The following SYT14 variants were observed in gnomAD, a reference collection of about 807,000 sequenced individuals.
The protein encoded by SYT14 is synaptotagmin-14.
In SYT14, 32 loss-of-function variants were observed where a neutral mutation model predicts 74.2. The observed-to-expected ratio is 0.43, with a 90% confidence interval of 0.33 to 0.58. SYT14 has a LOEUF of 0.58. Among genes scored for constraint, SYT14 ranks in the 20% least tolerant of loss-of-function variants. SYT14 has a pLI of 0.05. For synonymous variants in SYT14, 298 were observed against 337.7 expected (o/e 0.88, Z 1.29); for missense variants, 791 against 981.8 (o/e 0.81, Z 2.60).
At chr1:210,013,394 G>T (rs1372040202) in intron 2 of SYT14, among the ~76,000 whole-genome samples, 2 of 152,138 alleles carry the variant, frequency 1.3e-5, no homozygotes, top group Non-Finnish European at 2.9e-5. Flanking sequence ...TTTTAAGATT[G>T]TTCCTATGAA....
chr1:210,066,571 G>T (rs547969332), intron 5 of SYT14, among the ~76,000 whole-genome samples: 4 of 152,162 alleles, frequency 2.6e-5, no homozygotes, highest in Admixed American at 1.3e-4. Flanking sequence ...TTTTGATGGG[G>T]TTGTTTGTTT....
At chr1:210,108,758 G>A (rs2082205195) in intron 7 of SYT14, among the ~76,000 whole-genome samples, 1 of 152,192 alleles carries the variant, frequency 6.6e-6, no homozygotes, top group South Asian at 2.1e-4. Context: ...TAAGAGAGAA[G>A]TGAAGCCAGA....
intron 9 of SYT14, 151 bp from the exon 9 acceptor site, chr1:210,160,578 T>C (rs1050577829): frequency 1.7e-5 from 12 of 689,848 alleles, no homozygotes; most frequent in African/African-American, 3.6e-5. Context: ...TATAAGCATC[T>C]ACATCAAAAT....
chr1:210,034,949 C>G (rs1350022903), intron 5 of SYT14, among the ~76,000 whole-genome samples: 1 of 151,734 alleles, frequency 6.6e-6, no homozygotes, highest in Non-Finnish European at 1.5e-5. Flanking sequence ...GTGCAGGTAT[C>G]TTTTTTGATA....
intron 2 of SYT14, among the ~76,000 whole-genome samples, chr1:210,001,007 TTAAAA>T (rs1163948599): frequency 2.0e-5 from 3 of 152,208 alleles, no homozygotes; most frequent in Middle Eastern, 3.2e-3. Context: ...AGTTTTATTG[TTAAAA>T]TAATAAAGGA....
chr1:210,081,472 T>C (rs991438374), intron 5 of SYT14, among the ~76,000 whole-genome samples: 12 of 152,132 alleles, frequency 7.9e-5, no homozygotes, highest in Non-Finnish European at 1.6e-4. Context: ...TATACAATAC[T>C]GTAGTATATT....
intron 5 of SYT14, among the ~76,000 whole-genome samples, chr1:210,074,813 G>A (rs949282140): frequency 1.3e-5 from 2 of 152,174 alleles, no homozygotes; most frequent in African/African-American, 4.8e-5. Context: ...CCATGGCAGT[G>A]TCTAGAGATG....
intron 5 of SYT14, among the ~76,000 whole-genome samples, chr1:210,093,236 A>T (rs1355962843): frequency 6.6e-6 from 1 of 151,974 alleles, no homozygotes; most frequent in Non-Finnish European, 1.5e-5. Flanking sequence ...TATAGTTCTT[A>T]TGTAACTTTT....
chr1:210,086,669 C>T (rs1034394289), intron 5 of SYT14, among the ~76,000 whole-genome samples: 10 of 152,196 alleles, frequency 6.6e-5, no homozygotes, highest in Non-Finnish European at 7.3e-5. Context: ...GCTCAGTGGA[C>T]TCACTGCTGT....
chr1:210,091,992 T>C (rs567742527), intron 5 of SYT14, among the ~76,000 whole-genome samples: 10 of 152,276 alleles, frequency 6.6e-5, no homozygotes, highest in East Asian at 1.9e-4. Flanking sequence ...ACCACTTACG[T>C]TGGAAAATTT....
intron 7 of SYT14, among the ~76,000 whole-genome samples, chr1:210,109,786 G>T (rs1017885713): frequency 6.6e-6 from 1 of 152,108 alleles, no homozygotes; most frequent in African/African-American, 2.4e-5. Flanking sequence ...CCAAAGGATT[G>T]TAAATCATTC....
intron 1 of SYT14, among the ~76,000 whole-genome samples, chr1:209,951,683 C>G (rs2102677164): frequency 6.6e-6 from 1 of 152,176 alleles, no homozygotes; most frequent in Non-Finnish European, 1.5e-5. Context: ...CAAAATTAGT[C>G]ACAGCAAACC....
At chr1:209,986,332 G>A (rs751694459) in intron 2 of SYT14, among the ~76,000 whole-genome samples, 23 of 152,120 alleles carry the variant, frequency 1.5e-4, no homozygotes, top group Non-Finnish European at 2.8e-4. Context: ...GGGGCTGGGC[G>A]CGGTGGCTCA....
chr1:209,974,908 T>C (rs2079329213), intron 2 of SYT14, among the ~76,000 whole-genome samples: 3 of 152,200 alleles, frequency 2.0e-5, no homozygotes, highest in Admixed American at 2.0e-4. Flanking sequence ...TTTGTAGTTC[T>C]CCTTGAAGAG....
intron 1 of SYT14, among the ~76,000 whole-genome samples, chr1:209,948,345 C>T (rs2102665004): frequency 6.6e-6 from 1 of 152,332 alleles, no homozygotes; most frequent in South Asian, 2.1e-4. Context: ...AACACACATG[C>T]ACACAATCAC....
intron 2 of SYT14, among the ~76,000 whole-genome samples, chr1:209,959,077 A>T (rs1319191009): frequency 6.6e-6 from 1 of 152,234 alleles, no homozygotes; most frequent in South Asian, 2.1e-4. Context: ...AAGAAAATTG[A>T]AAACATATGT....
intron 2 of SYT14, among the ~76,000 whole-genome samples, chr1:210,006,776 ATAAT>A: frequency 6.6e-6 from 1 of 152,060 alleles, no homozygotes; most frequent in East Asian, 1.9e-4. Flanking sequence ...TTTAGAAATT[ATAAT>A]TAATTTGTTT....
At chr1:210,101,383 G>A (rs114065448) in intron 7 of SYT14, among the ~76,000 whole-genome samples, 29 of 152,204 alleles carry the variant, frequency 1.9e-4, no homozygotes, top group African/African-American at 6.3e-4. Flanking sequence ...GCTTTTAAAT[G>A]TGTAAGCTTC....
intron 7 of SYT14, among the ~76,000 whole-genome samples, chr1:210,116,717 G>A (rs2102597827): frequency 6.6e-6 from 1 of 152,016 alleles, no homozygotes; most frequent in South Asian, 2.1e-4. Flanking sequence ...TATTTATATG[G>A]TATTTTTCAT....
Sources: allele counts gnomAD v4.1 joint callset (sites outside exome capture counted in the v4.1 genomes callset), GRCh38; gene constraint gnomAD v4.1.1; transcripts MANE v1.5; gene names NCBI Gene and HGNC (gene_info 2026-07-23, HGNC 2026-07-21).